DHRS7B: variants seen among roughly 807,000 people sequenced by gnomAD.
The protein encoded by DHRS7B is dehydrogenase/reductase 7B, also known as peroxisomal reductase activating PPAR-gamma.
Under a neutral mutation model 26.4 loss-of-function variants are expected in DHRS7B, and 24 were observed. The observed-to-expected ratio is 0.91, with a 90% confidence interval of 0.66 to 1.28. The LOEUF is 1.28. DHRS7B is among the 50% of genes most tolerant of loss of function. The probability of loss-of-function intolerance (pLI) is 0.00; values close to 1 mark genes in which losing one functional copy is unlikely to be tolerated. For synonymous variants in DHRS7B, 142 were observed against 166.4 expected (o/e 0.85, Z 1.13); for missense variants, 368 against 419.4 (o/e 0.88, Z 1.07).
intron 2 of DHRS7B, among the ~76,000 whole-genome samples, chr17:21,173,476 C>G (rs1014323838): frequency 8.5e-5 from 13 of 152,178 alleles, no homozygotes; most frequent in African/African-American, 3.1e-4. Flanking sequence ...ACAGAACATT[C>G]CAGACAGGCC....
intron 1 of DHRS7B, among the ~76,000 whole-genome samples, chr17:21,137,286 C>CT (rs1567615734): frequency 8.0e-6 from 1 of 124,440 alleles, no homozygotes; most frequent in South Asian, 2.6e-4. Flanking sequence ...GCCCATTTTT[C>CT]TTTTTTGTCT....
intron 5 of DHRS7B, 60 bp from the exon 6 acceptor site, chr17:21,188,651 G>A (rs1974703357): frequency 3.5e-5 from 52 of 1,504,742 alleles, no homozygotes; most frequent in Non-Finnish European, 4.3e-5. Flanking sequence ...GAATAGTTGG[G>A]CACCAGGCCA....
Position 21,190,903 on chromosome 17 carries a change from C to G in DHRS7B, c.773-45C>G, listed in dbSNP as rs745477161. ...ATCAGCTCCACTCCTCAAGAGGGAC[C>G]TCTGCTTCCAAGTTCATGTGTTTCT... On this transcript the variant is annotated intron_variant, in intron 6 of 6. Coordinates refer to ENST00000395511, the MANE Select transcript of DHRS7B (RefSeq NM_015510.5). 2.5e-6 allele frequency: 4 copies of G among 1,603,916 alleles called. No individual in the cohort carries two copies. In the South Asian group the frequency reaches 4.4e-5, roughly 18 times the overall value.
chr17:21,140,521 CA>C (rs1691252475), intron 1 of DHRS7B, among the ~76,000 whole-genome samples: 6 of 150,538 alleles, frequency 4.0e-5, no homozygotes, highest in South Asian at 2.1e-4. Context: ...CACACACACA[CA>C]CACACACACA....
chr17:21,134,668 C>T (rs1455081089), intron 1 of DHRS7B, among the ~76,000 whole-genome samples: 1 of 152,192 alleles, frequency 6.6e-6, no homozygotes, highest in Non-Finnish European at 1.5e-5. Flanking sequence ...CACAGTCTTA[C>T]AGCACTGATG....
chr17:21,149,549 T>C lies in DHRS7B; in HGVS notation c.21-22469T>C, dbSNP rs7215571. On this transcript the variant is annotated intron_variant, in intron 1 of 6. Coordinates refer to ENST00000395511, the MANE Select transcript of DHRS7B (RefSeq NM_015510.5). ...AAATCTATCAAAACAAAAATAGGTA[T>C]AGCAACCTGTTAAGAGGTAGATAAT... Among the ~76,000 whole-genome samples the C allele has an allele frequency of 1.0e-2, 1,516 of 152,264 alleles. 33 individuals are homozygous for C. Among genetic ancestry groups the C allele is most frequent in the African/African-American group, 0.035 (1,444 of 41,548 alleles).
chr17:21,138,096 A>AC (rs1973396766), intron 1 of DHRS7B, among the ~76,000 whole-genome samples: 2 of 91,140 alleles, frequency 2.2e-5, no homozygotes, highest in South Asian at 8.7e-4. Context: ...ATATATATAT[A>AC]TATATACACA....
chr17:21,183,148 C>T (rs1054723832), intron 3 of DHRS7B, among the ~76,000 whole-genome samples: 1 of 152,146 alleles, frequency 6.6e-6, no homozygotes, highest in Non-Finnish European at 1.5e-5. Context: ...TCCATTTATT[C>T]TAGTTTTTCT....
chr17:21,137,544 G>A (rs558538676), intron 1 of DHRS7B, among the ~76,000 whole-genome samples: 106 of 151,084 alleles, frequency 7.0e-4, no homozygotes, highest in Non-Finnish European at 4.4e-5. Context: ...TGCAACCTCC[G>A]CCTCCTGGGT....
chr17:21,183,762 A>T lies in DHRS7B; in HGVS notation c.478A>T (p.Lys160Ter). The T allele has an allele frequency of 6.2e-7, 1 of 1,614,240 alleles. No individual in the cohort carries two copies. Among genetic ancestry groups the T allele is most frequent in the Non-Finnish European group, 8.5e-7 (1 of 1,180,048 alleles). The change falls in exon 4 of 7, where the codon AAG becomes TAG. Residue 160 changes from lysine to a stop codon, truncating the protein, a stop_gained. Transcript: ENST00000395511. LOFTEE classifies it high-confidence loss of function. ...TIMDTTVDVD[K>*]RVMETNYFGP... ...CATGGACACCACAGTGGATGTGGACAAGAGGGTCATGGAGACAAACTACTT... is the reference window on the plus strand; with the variant it reads ...CATGGACACCACAGTGGATGTGGACTAGAGGGTCATGGAGACAAACTACTT...
chr17:21,188,586 G>A, intron 5 of DHRS7B, 125 bp from the exon 6 acceptor site: 1 of 1,153,822 alleles, frequency 8.7e-7, no homozygotes, highest in Non-Finnish European at 1.2e-6. Context: ...AAGCAACATA[G>A]CAAGACGATC....
chr17:21,132,868 C>T (rs771571788), intron 1 of DHRS7B, among the ~76,000 whole-genome samples: 4 of 152,258 alleles, frequency 2.6e-5, no homozygotes, highest in Non-Finnish European at 5.9e-5. Context: ...TAGAATCCTT[C>T]CTGTTTAAAG....
At chr17:21,183,077 C>T (rs1974549304) in intron 3 of DHRS7B, among the ~76,000 whole-genome samples, 1 of 152,134 alleles carries the variant, frequency 6.6e-6, no homozygotes, top group African/African-American at 2.4e-5. Flanking sequence ...TTAGAAGTCT[C>T]CTGAGATTTT....
chr17:21,147,986 C>G (rs967670134), intron 1 of DHRS7B, among the ~76,000 whole-genome samples: 45 of 152,120 alleles, frequency 3.0e-4, no homozygotes, highest in African/African-American at 1.0e-3. Context: ...GAGGCTAAGA[C>G]AGGAGGACTG....
rs757357586 is a variant in DHRS7B at position 21,188,784 on chromosome 17, G to C, written c.693G>C (p.Glu231Asp). 6.2e-7 allele frequency: 1 copy of C among 1,614,024 alleles called. No homozygotes were observed. Among genetic ancestry groups the C allele is most frequent in the Non-Finnish European group, 8.5e-7 (1 of 1,180,002 alleles). Residue 231 changes from glutamate to aspartate, a missense_variant, in exon 6 of 7, where the codon GAG becomes GAC. Transcript: ENST00000395511. ...CCGAGATGGAACAGTATGAAATTGA[G>C]GTGACCGTCATCAGCCCCGGCTACA... ...LRAEMEQYEI[E>D]VTVISPGYIH...
At chr17:21,175,926 CA>C (rs60913350) in intron 2 of DHRS7B, among the ~76,000 whole-genome samples, 74,751 of 126,126 alleles carry the variant, frequency 0.59, 20,746 homozygotes, top group Middle Eastern at 0.64. Context: ...GACCCTGTAT[CA>C]AAAAAAAAAA....
chr17:21,183,854 A>G, intron 4 of DHRS7B, 44 bp downstream of exon 4: 1 of 1,546,956 alleles, frequency 6.5e-7, no homozygotes. Flanking sequence ...ATATGTTGGC[A>G]TTCTTTTTAC....
intron 1 of DHRS7B, among the ~76,000 whole-genome samples, chr17:21,158,016 TA>T (rs1340672137): frequency 1.3e-5 from 2 of 152,132 alleles, no homozygotes; most frequent in African/African-American, 2.4e-5. Flanking sequence ...ATCATATCAG[TA>T]GCTGCAGAGA....
At chr17:21,140,538 A>ACACACACACACACCCC (rs972677956) in intron 1 of DHRS7B, among the ~76,000 whole-genome samples, 1 of 134,754 alleles carries the variant, frequency 7.4e-6, no homozygotes. Context: ...ACACACACAC[A>ACACACACACACACCCC]CCCTGACACC....
Sources: gnomAD v4.1 joint callset for allele counts (sites outside exome capture counted in the v4.1 genomes callset) on GRCh38, gnomAD v4.1.1 for gene constraint, MANE v1.5 for transcripts, NCBI Gene and HGNC (gene_info 2026-07-23, HGNC 2026-07-21) for gene names.